DSCAM: variants seen among roughly 807,000 people sequenced by gnomAD.
DSCAM encodes the protein cell adhesion molecule DSCAM.
DSCAM carries 47 observed loss-of-function variants against 217.7 expected under a neutral mutation model. That is an observed-to-expected ratio of 0.22 (90% CI 0.17 to 0.28). The LOEUF (loss-of-function observed/expected upper bound fraction) is 0.28, where lower values mean the gene tolerates loss of function less well. Ranked by LOEUF, DSCAM falls within the 10% of genes least tolerant of loss-of-function variation. The pLI is 1.00. For synonymous variants in DSCAM, 1,056 were observed against 1,015.3 expected (o/e 1.04, Z -0.76); for missense variants, 2,080 against 2,618.3 (o/e 0.79, Z 4.49).
chr21:40,256,420 GAGAC>G (rs1169702163), intron 11 of DSCAM, among the ~76,000 whole-genome samples: 11 of 151,120 alleles, frequency 7.3e-5, no homozygotes, highest in African/African-American at 2.7e-4. Flanking sequence ...GAGAGAGAGA[GAGAC>G]AGAGAGAGAG....
intron 20 of DSCAM, among the ~76,000 whole-genome samples, chr21:40,117,450 A>G (rs115486151): frequency 0.017 from 2,583 of 152,258 alleles, 77 homozygotes; most frequent in African/African-American, 0.059. Flanking sequence ...TGCAGATCCC[A>G]TCTTCCTTTG....
At chr21:40,031,121 C>G (rs995955170) in intron 32 of DSCAM, among the ~76,000 whole-genome samples, 1 of 152,162 alleles carries the variant, frequency 6.6e-6, no homozygotes, top group Non-Finnish European at 1.5e-5. Context: ...AAAAGGCTCA[C>G]TGTTTTTCTT....
At chr21:40,485,810 TTA>T (rs1322218902) in intron 3 of DSCAM, among the ~76,000 whole-genome samples, 1 of 152,110 alleles carries the variant, frequency 6.6e-6, no homozygotes, top group South Asian at 2.1e-4. Context: ...TATTATATAT[TTA>T]TATACACACA....
At chr21:40,341,320 C>G (rs77727527) in intron 6 of DSCAM, among the ~76,000 whole-genome samples, 5 of 152,162 alleles carry the variant, frequency 3.3e-5, no homozygotes, top group Non-Finnish European at 7.3e-5. Context: ...AGTTATTTCA[C>G]GTGTCCTTTA....
At chr21:40,388,684 A>G (rs2075108403) in intron 3 of DSCAM, among the ~76,000 whole-genome samples, 1 of 152,150 alleles carries the variant, frequency 6.6e-6, no homozygotes, top group South Asian at 2.1e-4. Flanking sequence ...CTTTGAAAAT[A>G]TTTGATACAA....
At chr21:40,365,878 T>C (rs889217838) in intron 4 of DSCAM, among the ~76,000 whole-genome samples, 1 of 152,200 alleles carries the variant, frequency 6.6e-6, no homozygotes, top group Non-Finnish European at 1.5e-5. Flanking sequence ...TCCAAATAAC[T>C]AGCCCTAGCA....
intron 3 of DSCAM, among the ~76,000 whole-genome samples, chr21:40,654,060 A>G (rs1884870536): frequency 6.6e-6 from 1 of 151,552 alleles, no homozygotes; most frequent in South Asian, 2.1e-4. Flanking sequence ...ACACTATTGC[A>G]CTCCAGCCTG....
chr21:40,176,297 CTAAG>C (rs1325606527), intron 15 of DSCAM, among the ~76,000 whole-genome samples: 3 of 152,004 alleles, frequency 2.0e-5, no homozygotes, highest in Non-Finnish European at 2.9e-5. Flanking sequence ...TGGGGAGTCA[CTAAG>C]TGTCATTGCA....
In DSCAM at chr21:40,339,269, G is replaced by A; in HGVS notation, c.1357C>T (p.His453Tyr). The A allele has an allele frequency of 6.2e-7, 1 of 1,614,180 alleles. No individual in the cohort carries two copies. Among genetic ancestry groups the A allele is most frequent in the Middle Eastern group, 1.6e-4 (1 of 6,062 alleles). Residue 453 changes from histidine (H) to tyrosine (Y), a missense_variant, in exon 7 of 33, where the codon CAC (histidine) becomes TAC (tyrosine). Physicochemically the swap from His to Tyr is moderately conservative, Grantham distance 83. Transcript: ENST00000400454. Reference sequence around the variant, plus strand: ...GACGTGATCATCTGGCTGATGCGGTGACTGCCACCCTTGAGAATCGGGTCA... The same window carrying A: ...GACGTGATCATCTGGCTGATGCGGTAACTGCCACCCTTGAGAATCGGGTCA... ...DDDPILKGGS[H>Y]RISQMITSEG...
At chr21:40,751,551 T>G (rs936495362) in intron 1 of DSCAM, among the ~76,000 whole-genome samples, 11 of 152,230 alleles carry the variant, frequency 7.2e-5, no homozygotes, top group African/African-American at 2.7e-4. Context: ...AGAAGAACTC[T>G]TCCTCTGTGA....
At chr21:40,259,973 C>T (rs1569028586) in intron 11 of DSCAM, among the ~76,000 whole-genome samples, 2 of 152,032 alleles carry the variant, frequency 1.3e-5, no homozygotes, top group South Asian at 2.1e-4. Context: ...GTGATCCGCC[C>T]GCCTCGGCCT....
chr21:40,109,945 G>A (rs972437843), intron 20 of DSCAM, among the ~76,000 whole-genome samples: 5 of 152,302 alleles, frequency 3.3e-5, no homozygotes, highest in South Asian at 2.1e-4. Context: ...GGAGCCCACC[G>A]CAGCTCAAGG....
intron 27 of DSCAM, among the ~76,000 whole-genome samples, chr21:40,069,265 A>G (rs878993743): frequency 6.6e-6 from 1 of 152,172 alleles, no homozygotes; most frequent in Non-Finnish European, 1.5e-5. Context: ...GGATTAGTAC[A>G]TGGTTAGATC....
At chr21:40,170,766 G>A (rs965525328) in intron 15 of DSCAM, among the ~76,000 whole-genome samples, 1 of 152,188 alleles carries the variant, frequency 6.6e-6, no homozygotes, top group African/African-American at 2.4e-5. Flanking sequence ...TACTGAGGCT[G>A]GGTTACTTTA....
chr21:40,733,112 G>A (rs1233598206), intron 1 of DSCAM, among the ~76,000 whole-genome samples: 1 of 152,222 alleles, frequency 6.6e-6, no homozygotes, highest in Non-Finnish European at 1.5e-5. Flanking sequence ...CACTGGGAGG[G>A]TGCAGACATG....
At chr21:40,813,483 G>A (rs2123554200) in intron 1 of DSCAM, among the ~76,000 whole-genome samples, 1 of 152,046 alleles carries the variant, frequency 6.6e-6, no homozygotes, top group East Asian at 1.9e-4. Flanking sequence ...TGCTTTTGCT[G>A]TATCTCAGTG....
chr21:40,792,600 G>A (rs1290362883), intron 1 of DSCAM, among the ~76,000 whole-genome samples: 1 of 152,144 alleles, frequency 6.6e-6, no homozygotes, highest in Non-Finnish European at 1.5e-5. Flanking sequence ...AGAGATAAAC[G>A]GATATGTGAC....
intron 3 of DSCAM, among the ~76,000 whole-genome samples, chr21:40,596,758 T>C (rs1235931367): frequency 2.0e-5 from 3 of 152,164 alleles, no homozygotes; most frequent in African/African-American, 7.2e-5. Context: ...AAGGGAAACA[T>C]AGAATGATTT....
At chr21:40,123,573 G>C (rs1328994581) in intron 20 of DSCAM, among the ~76,000 whole-genome samples, 1 of 152,098 alleles carries the variant, frequency 6.6e-6, no homozygotes, top group African/African-American at 2.4e-5. Context: ...TATTCAGCAG[G>C]AATAATATGA....
Sources: allele counts gnomAD v4.1 joint callset (sites outside exome capture counted in the v4.1 genomes callset), GRCh38; gene constraint gnomAD v4.1.1; transcripts MANE v1.5; gene names NCBI Gene and HGNC (gene_info 2026-07-23, HGNC 2026-07-21).